The following ZNF418 variants were observed in gnomAD, a reference collection of about 807,000 sequenced individuals.
ZNF418 encodes zinc finger protein 418.
In ZNF418, 32 loss-of-function variants were observed where a neutral mutation model predicts 32.0. The ratio of observed to expected loss-of-function variants is 1.00; its 90% CI spans 0.75 to 1.34. The LOEUF (loss-of-function observed/expected upper bound fraction) is 1.34, where lower values mean the gene tolerates loss of function less well. ZNF418 is among the 40% of genes most tolerant of loss of function. ZNF418 has a pLI of 0.00. For missense variants in ZNF418, 804 were observed against 812.5 expected, an observed-to-expected ratio of 0.99 and a Z score of 0.13; for synonymous variants, 276 against 270.7, an observed-to-expected ratio of 1.02 and a Z score of -0.19.
intron 4 of ZNF418, 138 bp from the exon 5 acceptor site, chr19:57,923,427 C>CATATACACACACATACAT (rs1173528046): frequency 1.4e-5 from 2 of 138,426 alleles, no homozygotes; most frequent in Non-Finnish European, 3.3e-5. Flanking sequence ...TATATATATA[C>CATATACACACACATACAT]ATATACACAC....
rs747290969 is a variant in ZNF418 at position 57,927,418 on chromosome 19, T to A, written c.763A>T (p.Lys255Ter). ...CATTCTCCACATTCATAAGGTCTTT[T>A]CCCAGTGTGAACTCTCTGATGATTA... Reference protein sequence around the residue: ...VSNHQRVHTGKRPYECGECGK... With the variant: ...VSNHQRVHTG Residue 255 changes from lysine (K) to a stop codon, truncating the protein, a stop_gained, in exon 4 of 6, where the codon AAA becomes TAA. Transcript: ENST00000396147. LOFTEE classifies it high-confidence loss of function. 6.2e-7 allele frequency: 1 copy of A among 1,614,112 alleles called. No individual in the cohort carries two copies. Among genetic ancestry groups the A allele is most frequent in the South Asian group, 1.1e-5 (1 of 91,072 alleles).
At position 57,927,596 on chromosome 19, in the gene ZNF418, G is replaced by C. The variant is rs753181422; in HGVS notation, c.585C>G (p.Pro195=). The C allele has an allele frequency of 1.9e-6, 3 of 1,613,986 alleles. No homozygotes were observed. The highest frequency in any genetic ancestry group is 2.5e-6 in the Non-Finnish European group (3 of 1,180,000). Residue 195 remains proline (P), a synonymous_variant, in exon 4 of 6, where the codon CCC becomes CCG. Coordinates refer to ENST00000396147, the MANE Select transcript of ZNF418 (RefSeq NM_133460.3). Reference sequence around the variant, plus strand: ...TGTAATGAGTATCTCCCCACTGAAAGGGAGACTCACACTCAGGTTTGCTGT... The same window carrying C: ...TGTAATGAGTATCTCCCCACTGAAACGGAGACTCACACTCAGGTTTGCTGT... The part of the protein sequence containing the change: ...KSNSKPECES[P]FQWGDTHYSC...
chr19:57,931,471 G>A (rs2072485748), intron 2 of ZNF418, among the ~76,000 whole-genome samples: 1 of 152,126 alleles, frequency 6.6e-6, no homozygotes, highest in Non-Finnish European at 1.5e-5. Flanking sequence ...CATAGTGCTG[G>A]GATTATAGGC....
intron 1 of ZNF418, among the ~76,000 whole-genome samples, chr19:57,934,442 C>A (rs935102641): frequency 6.6e-6 from 1 of 152,172 alleles, no homozygotes; most frequent in East Asian, 1.9e-4. Flanking sequence ...TCTCGAACTC[C>A]CGACCTCAGG....
At chr19:57,934,554 T>C (rs905462457) in intron 1 of ZNF418, among the ~76,000 whole-genome samples, 1 of 152,022 alleles carries the variant, frequency 6.6e-6, no homozygotes, top group Non-Finnish European at 1.5e-5. Flanking sequence ...TAGCCAGGAG[T>C]GTCTGAGGGG....
rs539315555 is a variant in ZNF418 at position 57,924,261 on chromosome 19, A to G, written c.*528-972T>C. 3.9e-3 allele frequency among the ~76,000 whole-genome samples: 599 copies of G among 152,304 alleles called. 7 individuals are homozygous for G. The highest frequency in any genetic ancestry group is 6.0e-3 in the Admixed American group (92 of 15,302). On this transcript the variant is annotated intron_variant, in intron 4 of 5. Coordinates refer to ENST00000396147, the MANE Select transcript of ZNF418 (RefSeq NM_133460.3). ...TGAGTCTCTGCGGCAGCAAATACTGATAAGCCAGGAAGGCCATTTTCACCT... is the reference window on the plus strand; with the variant it reads ...TGAGTCTCTGCGGCAGCAAATACTGGTAAGCCAGGAAGGCCATTTTCACCT...
chr19:57,931,145 C>A (rs2072470546), intron 2 of ZNF418, among the ~76,000 whole-genome samples: 1 of 152,192 alleles, frequency 6.6e-6, no homozygotes, highest in African/African-American at 2.4e-5. Context: ...TCCGAGCTCA[C>A]ATAAAGCCCA....
chr19:57,935,313 C>G lies in ZNF418; in HGVS notation c.-233G>C. ...TGGGTTCAGACACCGCGGTTCGGAC[C>G]CATAGCTCCAGCGCCTCTCACCTCA... On this transcript the variant is annotated 5_prime_UTR_variant, in exon 1 of 6. Transcript: ENST00000396147. 2 of 905,084 alleles carry G rather than the reference C, an allele frequency of 2.2e-6. No homozygotes were observed. Among genetic ancestry groups the G allele is most frequent in the Non-Finnish European group, 2.7e-6 (2 of 730,382 alleles). The allele number at this position is 905,084 out of a possible 1,614,324, so 56.1% of individuals were successfully genotyped here.
rs914094018 is a variant in ZNF418, at chr19:57,926,029, A to G, written c.*121T>C. On this transcript the variant is annotated 3_prime_UTR_variant, in exon 4 of 6. Coordinates refer to ENST00000396147, the MANE Select transcript of ZNF418 (RefSeq NM_133460.3). ...TGGGAGCTCTTCTGTATGTAATAAA[A>G]CAAGACTTCTGCATAAAGAATATCC... is the stretch of plus-strand genomic sequence containing the variant. The G allele has an allele frequency of 1.8e-5, 15 of 845,114 alleles. No individual in the cohort carries two copies. Among genetic ancestry groups the G allele is most frequent in the African/African-American group, 5.2e-5 (3 of 58,212 alleles). 52.4% of individuals were successfully genotyped at this position (845,114 alleles called of 1,614,324 possible). A position where few individuals can be genotyped will look rare whatever the true frequency, so the allele number is the denominator to read the frequency against.
chr19:57,930,753 G>A (rs768392062), intron 2 of ZNF418, among the ~76,000 whole-genome samples, 199 bp from the exon 3 acceptor site: 14 of 152,084 alleles, frequency 9.2e-5, no homozygotes, highest in Non-Finnish European at 1.9e-4. Flanking sequence ...AAGAAGTAGG[G>A]GAAAAATAGG....
chr19:57,925,975 T>C lies in ZNF418; in HGVS notation c.*175A>G. ...ACAGAAGGCAGAAGGCTTTCTCACA[T>C]TCATCGCACTCAAGAGGCCCTTCTG... On this transcript the variant is annotated 3_prime_UTR_variant, in exon 4 of 6. Transcript: ENST00000396147. 1 of 593,928 alleles carries C rather than the reference T, an allele frequency of 1.7e-6. No homozygotes were observed. Among genetic ancestry groups the C allele is most frequent in the Non-Finnish European group, 3.0e-6 (1 of 337,528 alleles). The allele number at this position is 593,928 out of a possible 1,614,324, so 36.8% of individuals were successfully genotyped here.
chr19:57,932,930 C>T (rs2072539995), intron 2 of ZNF418, among the ~76,000 whole-genome samples: 1 of 152,140 alleles, frequency 6.6e-6, no homozygotes, highest in African/African-American at 2.4e-5. Context: ...GCCTATGCCC[C>T]CTGACAAACC....
intron 4 of ZNF418, among the ~76,000 whole-genome samples, chr19:57,923,505 CACACACATATAT>C (rs1191688707): frequency 6.7e-6 from 1 of 149,344 alleles, no homozygotes; most frequent in East Asian, 2.0e-4. Context: ...TACATATATA[CACACACATATAT>C]ACATATATAC....
Position 57,935,146 on chromosome 19 carries a change from G to A in ZNF418, c.-81+15C>T. 1.5e-6 allele frequency: 2 copies of A among 1,316,272 alleles called. No individual in the cohort carries two copies. The highest frequency in any genetic ancestry group is 2.0e-6 in the Non-Finnish European group (2 of 1,014,454). The allele number at this position is 1,316,272 out of a possible 1,614,324, so 81.5% of individuals were successfully genotyped here. ...TTAGGATGAGGTGACCTGAGGGCAG[G>A]GAAGGCACAATTACCTGAGCCGGGA... On this transcript the variant is annotated intron_variant, in intron 1 of 5. Coordinates refer to ENST00000396147, the MANE Select transcript of ZNF418 (RefSeq NM_133460.3).
chr19:57,932,352 C>A (rs2072520379), intron 2 of ZNF418: 2 of 1,405,600 alleles, frequency 1.4e-6, no homozygotes, highest in Admixed American at 3.9e-5. Context: ...ATTGGCCTTT[C>A]ATTTTCGGCC....
chr19:57,931,081 T>C (rs1437195494), intron 2 of ZNF418, among the ~76,000 whole-genome samples: 1 of 151,822 alleles, frequency 6.6e-6, no homozygotes. Flanking sequence ...GGCTATGCTG[T>C]ACTCTTAACA....
chr19:57,935,205 G>C lies in ZNF418; in HGVS notation c.-125C>G. 1 of 1,292,040 alleles carries C rather than the reference G, an allele frequency of 7.7e-7. No homozygotes were observed. The highest frequency in any genetic ancestry group is 1.0e-6 in the Non-Finnish European group (1 of 1,001,002). 80.0% of individuals were successfully genotyped at this position (1,292,040 alleles called of 1,614,324 possible). On this transcript the variant is annotated 5_prime_UTR_variant, in exon 1 of 6. Coordinates refer to ENST00000396147, the MANE Select transcript of ZNF418 (RefSeq NM_133460.3). ...GCGGCCGCCGCCATCCCGAGTACGC[G>C]GGGAAAGCACTGCCGGGAGCGGCGG...
At chr19:57,934,495 T>C (rs1228374683) in intron 1 of ZNF418, among the ~76,000 whole-genome samples, 3 of 151,668 alleles carry the variant, frequency 2.0e-5, no homozygotes, top group East Asian at 1.9e-4. Flanking sequence ...GGATTACAGG[T>C]GGGAGCCACC....
At chr19:57,928,355 C>A (rs1318502252) in intron 3 of ZNF418, among the ~76,000 whole-genome samples, 1 of 152,106 alleles carries the variant, frequency 6.6e-6, no homozygotes, top group Admixed American at 6.6e-5. Context: ...GTGGCATAAT[C>A]TCTGTCTCCT....
Sources: allele counts gnomAD v4.1 joint callset (sites outside exome capture counted in the v4.1 genomes callset), GRCh38; gene constraint gnomAD v4.1.1; transcripts MANE v1.5; gene names NCBI Gene and HGNC (gene_info 2026-07-23, HGNC 2026-07-21).